ACTN1: variants seen among roughly 807,000 people sequenced by gnomAD.
The protein encoded by ACTN1 is alpha-actinin-1.
In ACTN1, 30 loss-of-function variants were observed where a neutral mutation model predicts 119.6. The ratio of observed to expected loss-of-function variants is 0.25; its 90% CI spans 0.19 to 0.34. The LOEUF (loss-of-function observed/expected upper bound fraction) is 0.34, where lower values mean the gene tolerates loss of function less well. Ranked by LOEUF, ACTN1 falls within the 10% of genes least tolerant of loss-of-function variation. The pLI, the probability that ACTN1 is intolerant of heterozygous loss-of-function variation, is 1.00. For synonymous variants in ACTN1, 429 were observed against 472.6 expected, an observed-to-expected ratio of 0.91 and a Z score of 1.20; for missense variants, 764 against 1,223.4, an observed-to-expected ratio of 0.62 and a Z score of 5.60.
rs2140355166 is a variant in ACTN1 at position 68,921,010 on chromosome 14, G to A, written c.336C>T (p.Ala112=). The A allele has an allele frequency of 1.7e-5, 27 of 1,614,026 alleles. No individual in the cohort carries two copies. The highest frequency in any genetic ancestry group is 2.1e-5 in the Non-Finnish European group (25 of 1,179,938). Residue 112 remains alanine, a synonymous_variant, in exon 3 of 22, where the codon GCC becomes GCT. Transcript: ENST00000394419. ...SKGVKLVSIG[A]EEIVDGNVKM... ...GCCACCAGAGGTAGGCCTTACCTTC[G>A]GCTCCGATGGACACCAGTTTGACGC...
chr14:68,938,430 G>T (rs555402861), intron 1 of ACTN1, among the ~76,000 whole-genome samples: 4 of 152,198 alleles, frequency 2.6e-5, no homozygotes, highest in African/African-American at 9.6e-5. Flanking sequence ...ACATCTGTCT[G>T]CTTGGACAGG....
intron 1 of ACTN1, among the ~76,000 whole-genome samples, chr14:68,956,660 G>A (rs1246842585): frequency 6.6e-6 from 1 of 152,088 alleles, no homozygotes; most frequent in Non-Finnish European, 1.5e-5. Context: ...AGGAAGTTGT[G>A]GTCACCTGCA....
At chr14:68,972,788 C>T (rs533778254) in intron 1 of ACTN1, among the ~76,000 whole-genome samples, 6 of 152,312 alleles carry the variant, frequency 3.9e-5, no homozygotes, top group East Asian at 1.9e-4. Flanking sequence ...GGAGGAGTTC[C>T]GCAGCTGCTC....
intron 1 of ACTN1, among the ~76,000 whole-genome samples, chr14:68,944,963 C>CCT (rs1487405800): frequency 2.0e-5 from 3 of 151,752 alleles, no homozygotes; most frequent in African/African-American, 7.3e-5. Flanking sequence ...TCACCCTACG[C>CCT]GTGTGTGGGG....
intron 14 of ACTN1, 43 bp downstream of exon 14, chr14:68,884,125 G>A (rs944090189): frequency 1.9e-6 from 3 of 1,583,230 alleles, no homozygotes; most frequent in Non-Finnish European, 2.6e-6. Context: ...TGGGCCAGGG[G>A]CCCCAGGGGA....
At chr14:68,965,929 C>T (rs1056799573) in intron 1 of ACTN1, among the ~76,000 whole-genome samples, 3 of 152,184 alleles carry the variant, frequency 2.0e-5, no homozygotes, top group African/African-American at 7.2e-5. Context: ...TTTAGAAGTG[C>T]CTGACTCGGA....
rs2031180566 is a variant in ACTN1, at chr14:68,878,722, CAG to C, written c.2362-201_2362-200del. On this transcript the variant is annotated intron_variant, in intron 19 of 21. Transcript: ENST00000394419. This position sits in a 1 kb window ranked among gnomAD's most constrained non-coding sequence, Gnocchi z 4.4. ...GAAATGTCCAAAGACAGGAGGAAGA[CAG>C]AGCAGGGAGATGCAAAAATCCACCC... 1 of 1,536,960 alleles carries C rather than the reference CAG, an allele frequency of 6.5e-7. No homozygotes were observed. The highest frequency in any genetic ancestry group is 1.2e-5 in the South Asian group (1 of 84,172).
Position 68,909,007 on chromosome 14 carries a change from G to A in ACTN1, c.594+311C>T, listed in dbSNP as rs756711855. Among the ~76,000 whole-genome samples, 23 of 152,210 alleles carry A rather than the reference G, an allele frequency of 1.5e-4. No individual in the cohort carries two copies. The highest frequency in any genetic ancestry group is 7.7e-4 in the East Asian group (4 of 5,178). On this transcript the variant is annotated intron_variant, in intron 6 of 21. Coordinates refer to ENST00000394419, the MANE Select transcript of ACTN1 (RefSeq NM_001130004.2). The surrounding 1 kb of genome is among the most constrained non-coding windows in gnomAD (Gnocchi z 4.1). ...ATAGTGTCTCCTCTTTACAAATCCC[G>A]GAAAAACAGAAGGGAGAAACACCAT...
intron 1 of ACTN1, among the ~76,000 whole-genome samples, chr14:68,937,104 G>A (rs2035563841): frequency 6.6e-6 from 1 of 151,980 alleles, no homozygotes; most frequent in Non-Finnish European, 1.5e-5. Flanking sequence ...CAGCTTTCCT[G>A]CATGGATTCC....
chr14:68,978,336 G>A, intron 1 of ACTN1: 2 of 393,212 alleles, frequency 5.1e-6, no homozygotes, highest in South Asian at 1.8e-5. Flanking sequence ...CACAGGGCCC[G>A]CGGGGGAGCC....
chr14:68,895,361 CG>C (rs1457379892), intron 8 of ACTN1, among the ~76,000 whole-genome samples: 1 of 152,186 alleles, frequency 6.6e-6, no homozygotes, highest in Non-Finnish European at 1.5e-5. Context: ...CAAGCACCCA[CG>C]GGGAATCCCA....
chr14:68,926,151 G>A (rs2034914247), intron 1 of ACTN1, among the ~76,000 whole-genome samples: 1 of 152,174 alleles, frequency 6.6e-6, no homozygotes, highest in Admixed American at 6.5e-5. Flanking sequence ...TAAGAGAAAG[G>A]AGTAGTAAGT....
At chr14:68,905,234 G>A (rs555467497) in intron 6 of ACTN1, among the ~76,000 whole-genome samples, 1 of 151,986 alleles carries the variant, frequency 6.6e-6, no homozygotes, top group South Asian at 2.1e-4. Context: ...AAATTTGGGG[G>A]CTCCTTTAAA....
At chr14:68,899,702 G>C (rs898067128) in intron 8 of ACTN1, among the ~76,000 whole-genome samples, 1 of 152,216 alleles carries the variant, frequency 6.6e-6, no homozygotes, top group African/African-American at 2.4e-5. Flanking sequence ...CCAGGACACA[G>C]AGAAGGCTTC....
In ACTN1 at chr14:68,934,313, G is replaced by A. The variant is rs773304968; in HGVS notation, c.106-8641C>T. 9.9e-5 allele frequency among the ~76,000 whole-genome samples: 15 copies of A among 152,244 alleles called. 1 individual carries two copies. Among genetic ancestry groups the A allele is most frequent in the African/African-American group, 1.7e-4 (7 of 41,454 alleles). On this transcript the variant is annotated intron_variant, in intron 1 of 21. Coordinates refer to ENST00000394419, the MANE Select transcript of ACTN1 (RefSeq NM_001130004.2). ...GGCAAGACTTCCCGTAAGGGGCAGC[G>A]GGCGCGCCTCTCCTGGGGCTGGATC... is the stretch of plus-strand genomic sequence containing the variant.
intron 2 of ACTN1, among the ~76,000 whole-genome samples, chr14:68,922,008 G>T (rs1422893472): frequency 6.6e-6 from 1 of 152,174 alleles, no homozygotes; most frequent in East Asian, 1.9e-4. Context: ...GCATCCAGGG[G>T]CCTCCTGAAA....
At position 68,877,085 on chromosome 14, in the gene ACTN1, G is replaced by A. The variant is rs1262539691; in HGVS notation, c.2583C>T (p.Asp861=). 1 of 1,613,838 alleles carries A rather than the reference G, an allele frequency of 6.2e-7. No homozygotes were observed. The highest frequency in any genetic ancestry group is 1.3e-5 in the African/African-American group (1 of 74,898). Residue 861 remains aspartate (D), a synonymous_variant, in exon 21 of 22, where the codon GAC becomes GAT. Transcript: ENST00000394419. ...VMASFKILAG[D]KNYITMDELR... ...TGCCCACCCATAGGACACCCACCTT[G>A]TCCCCAGCCAGGATCTTGAAGGAAG...
intron 8 of ACTN1, among the ~76,000 whole-genome samples, chr14:68,896,038 T>C (rs2032854025): frequency 6.6e-6 from 1 of 152,168 alleles, no homozygotes; most frequent in Non-Finnish European, 1.5e-5. Flanking sequence ...CCATCCATTA[T>C]AACCAGTGAA....
intron 3 of ACTN1, among the ~76,000 whole-genome samples, chr14:68,918,809 G>A (rs938400123): frequency 3.6e-4 from 54 of 152,012 alleles, no homozygotes; most frequent in Admixed American, 3.5e-3. Flanking sequence ...ACAGGAAGAG[G>A]AAGGCCTCAG....
Sources: allele counts gnomAD v4.1 joint callset (sites outside exome capture counted in the v4.1 genomes callset), GRCh38; gene constraint gnomAD v4.1.1; non-coding constraint Gnocchi (gnomAD v3.1); transcripts MANE v1.5; gene names NCBI Gene and HGNC (gene_info 2026-07-23, HGNC 2026-07-21).